Variants in FREM2 observed in about 807,000 individuals in gnomAD.
FREM2 encodes the protein FRAS1-related extracellular matrix protein 2.
In FREM2, 119 loss-of-function variants were observed where a neutral mutation model predicts 219.9. The ratio of observed to expected loss-of-function variants is 0.54; its 90% confidence interval spans 0.47 to 0.63. FREM2 has a LOEUF of 0.63. Among genes scored for constraint, FREM2 ranks in the 30% least tolerant of loss-of-function variants. FREM2 has a pLI of 0.00. For synonymous variants in FREM2, 1,562 were observed against 1,522.8 expected (o/e 1.03, Z -0.60); for missense variants, 4,030 against 3,993.6 (o/e 1.01, Z -0.25).
chr13:38,826,534 A>G (rs1204923260), intron 6 of FREM2, among the ~76,000 whole-genome samples: 1 of 148,680 alleles, frequency 6.7e-6, no homozygotes, highest in Non-Finnish European at 1.5e-5. Flanking sequence ...TTTGCTGTTT[A>G]CTCTGGAGTC....
At chr13:38,785,626 T>A (rs1264448775) in intron 6 of FREM2, among the ~76,000 whole-genome samples, 1 of 152,202 alleles carries the variant, frequency 6.6e-6, no homozygotes, top group African/African-American at 2.4e-5. Context: ...CTGAGGAAGC[T>A]GAAAATAATC....
At chr13:38,774,715 G>C (rs1172962675) in intron 4 of FREM2, among the ~76,000 whole-genome samples, 1 of 152,134 alleles carries the variant, frequency 6.6e-6, no homozygotes, top group East Asian at 1.9e-4. Context: ...TTTATATAAA[G>C]ATCCCATTCT....
intron 4 of FREM2, among the ~76,000 whole-genome samples, chr13:38,781,365 A>C (rs1874110591): frequency 6.6e-6 from 1 of 151,956 alleles, no homozygotes; most frequent in African/African-American, 2.4e-5. Context: ...TTTCCTGTGT[A>C]TCTTAGGCCC....
At chr13:38,789,914 A>G (rs970180987) in intron 6 of FREM2, among the ~76,000 whole-genome samples, 3 of 151,930 alleles carry the variant, frequency 2.0e-5, no homozygotes, top group African/African-American at 7.2e-5. Context: ...CTTCTTGTTC[A>G]TGGTATATTA....
intron 2 of FREM2, among the ~76,000 whole-genome samples, chr13:38,709,986 TACACACACACAC>T (rs59108347): frequency 0.1 from 13,479 of 130,352 alleles, 786 homozygotes; most frequent in East Asian, 0.21. Flanking sequence ...TAACTAAAAA[TACACACACACAC>T]ACACACACAC....
intron 2 of FREM2, among the ~76,000 whole-genome samples, chr13:38,761,623 A>G (rs929098506): frequency 3.9e-5 from 6 of 152,202 alleles, no homozygotes; most frequent in African/African-American, 9.6e-5. Context: ...ATGAGAGGAT[A>G]CCCACTAAAG....
intron 2 of FREM2, among the ~76,000 whole-genome samples, chr13:38,725,269 C>T (rs575733465): frequency 6.6e-6 from 1 of 152,250 alleles, no homozygotes; most frequent in South Asian, 2.1e-4. Context: ...GAAAAAGTGG[C>T]CTCTCTGCCT....
chr13:38,795,089 A>G (rs1325858724), intron 6 of FREM2, among the ~76,000 whole-genome samples: 2 of 152,094 alleles, frequency 1.3e-5, no homozygotes, highest in Non-Finnish European at 2.9e-5. Flanking sequence ...ATGAATCCTG[A>G]ATCTCCTCAA....
At chr13:38,716,114 G>A (rs893724195) in intron 2 of FREM2, among the ~76,000 whole-genome samples, 1 of 151,148 alleles carries the variant, frequency 6.6e-6, no homozygotes, top group Admixed American at 6.6e-5. Context: ...TCCATGTCCT[G>A]TCTCACTGGG....
intron 2 of FREM2, among the ~76,000 whole-genome samples, chr13:38,748,854 G>A (rs1289125654): frequency 6.6e-6 from 1 of 152,156 alleles, no homozygotes; most frequent in Admixed American, 6.5e-5. Context: ...TGAGCTCTAT[G>A]TTTTTGGAAA....
chr13:38,814,674 A>G (rs186426908), intron 6 of FREM2, among the ~76,000 whole-genome samples: 18 of 152,234 alleles, frequency 1.2e-4, no homozygotes, highest in African/African-American at 4.3e-4. Flanking sequence ...CCAGGCCCCA[A>G]ATGTGTCCAG....
At chr13:38,715,053 T>A (rs1255607956) in intron 2 of FREM2, among the ~76,000 whole-genome samples, 1 of 152,124 alleles carries the variant, frequency 6.6e-6, no homozygotes, top group Non-Finnish European at 1.5e-5. Context: ...GATCGTGCCA[T>A]TGCACTCCAG....
At chr13:38,742,451 A>C (rs1487330192) in intron 2 of FREM2, among the ~76,000 whole-genome samples, 1 of 152,196 alleles carries the variant, frequency 6.6e-6, no homozygotes, top group African/African-American at 2.4e-5. Context: ...GCTCCCTGGC[A>C]GTATCGATTT....
At chr13:38,766,420 G>A (rs918795153) in intron 3 of FREM2, among the ~76,000 whole-genome samples, 11 of 152,248 alleles carry the variant, frequency 7.2e-5, no homozygotes, top group African/African-American at 2.6e-4. Flanking sequence ...TCTGTGTGTG[G>A]CCCACATCCT....
intron 16 of FREM2, among the ~76,000 whole-genome samples, chr13:38,865,316 A>G (rs1877925782): frequency 6.6e-6 from 1 of 152,212 alleles, no homozygotes; most frequent in South Asian, 2.1e-4. Flanking sequence ...TGTTAAAATG[A>G]TAAGGAAGCA....
At chr13:38,769,350 A>G (rs1294228009) in intron 3 of FREM2, among the ~76,000 whole-genome samples, 1 of 152,220 alleles carries the variant, frequency 6.6e-6, no homozygotes, top group Admixed American at 6.5e-5. Context: ...TAAAGCATAT[A>G]TAGCAAAACC....
At chr13:38,845,116 C>T (rs1334861441) in intron 6 of FREM2, among the ~76,000 whole-genome samples, 1 of 152,216 alleles carries the variant, frequency 6.6e-6, no homozygotes, top group Non-Finnish European at 1.5e-5. Context: ...GGTTGGTTTT[C>T]TACTATTCAA....
intron 12 of FREM2, 62 bp from the exon 13 acceptor site, chr13:38,857,813 G>A (rs1877617087): frequency 7.3e-7 from 1 of 1,379,104 alleles, no homozygotes; most frequent in African/African-American, 1.4e-5. Context: ...ATTGTTCTGT[G>A]TGGTAGAAGC....
chr13:38,721,048 A>C (rs1308907539), intron 2 of FREM2, among the ~76,000 whole-genome samples: 5 of 152,122 alleles, frequency 3.3e-5, no homozygotes, highest in Admixed American at 6.6e-5. Context: ...TAGCTAATGG[A>C]TGCTGGGTTT....
Sources: gnomAD v4.1 joint callset for allele counts (sites outside exome capture counted in the v4.1 genomes callset) on GRCh38, gnomAD v4.1.1 for gene constraint, MANE v1.5 for transcripts, NCBI Gene and HGNC (gene_info 2026-07-23, HGNC 2026-07-21) for gene names.